DIP2C: variants seen among roughly 807,000 people sequenced by gnomAD.
DIP2C encodes DIP2 acetate--CoA ligase C (putative), also known as disco-interacting protein 2 homolog C.
DIP2C carries 33 observed loss-of-function variants against 192.4 expected under a neutral mutation model. The observed-to-expected ratio is 0.17, with a 90% CI of 0.13 to 0.23. DIP2C has a LOEUF of 0.23. Ranked by LOEUF, DIP2C falls within the 10% of genes least tolerant of loss-of-function variation. The pLI, the probability that DIP2C is intolerant of heterozygous loss-of-function variation, is 1.00. For missense variants in DIP2C, 1,537 were observed against 2,110.1 expected (o/e 0.73, Z 5.32); for synonymous variants, 979 against 864.1 (o/e 1.13, Z -2.33).
chr10:550,615 G>T (rs1222265309), intron 1 of DIP2C, among the ~76,000 whole-genome samples: 1 of 152,060 alleles, frequency 6.6e-6, no homozygotes, highest in African/African-American at 2.4e-5. Flanking sequence ...TCTCCTCCTG[G>T]ACAAATAACC....
chr10:671,333 A>G lies in DIP2C; in HGVS notation c.85+18161T>C, dbSNP rs913831580. Reference sequence around the variant, plus strand: ...CAGACGGAGGAAACGCCACAGACGCACGGACGGAGGAAACGCCACAGACGC... The same window carrying G: ...CAGACGGAGGAAACGCCACAGACGCGCGGACGGAGGAAACGCCACAGACGC... On this transcript the variant is annotated intron_variant, in intron 1 of 36. Transcript: ENST00000280886. Among the ~76,000 whole-genome samples the G allele has an allele frequency of 8.6e-5, 13 of 151,960 alleles. 1 individual carries two copies. The highest frequency in any genetic ancestry group is 2.9e-4 in the African/African-American group (12 of 41,408).
intron 1 of DIP2C, among the ~76,000 whole-genome samples, chr10:510,983 T>C (rs1031161296): frequency 6.6e-6 from 1 of 152,234 alleles, no homozygotes; most frequent in African/African-American, 2.4e-5. Flanking sequence ...CTCCTGAATA[T>C]TGACCACAGC....
At chr10:511,144 T>G (rs1373813474) in intron 1 of DIP2C, among the ~76,000 whole-genome samples, 8 of 152,334 alleles carry the variant, frequency 5.3e-5, no homozygotes, top group Admixed American at 5.2e-4. Context: ...CCTGCCCCAG[T>G]GAACATTCAC....
At chr10:328,545 C>T (rs1957368919) in intron 30 of DIP2C, among the ~76,000 whole-genome samples, 1 of 152,202 alleles carries the variant, frequency 6.6e-6, no homozygotes, top group Non-Finnish European at 1.5e-5. Context: ...AAAATGTACT[C>T]ACTTTCTAAT....
At chr10:559,748 C>T (rs1849098055) in intron 1 of DIP2C, among the ~76,000 whole-genome samples, 1 of 152,186 alleles carries the variant, frequency 6.6e-6, no homozygotes, top group African/African-American at 2.4e-5. Flanking sequence ...GCCCTCACAA[C>T]CCACCCCAGA....
intron 9 of DIP2C, among the ~76,000 whole-genome samples, chr10:400,831 TTCC>T (rs1344238227): frequency 6.6e-6 from 1 of 151,772 alleles, no homozygotes; most frequent in African/African-American, 2.4e-5. Context: ...TTGGTATGTG[TTCC>T]TCACCACATG....
intron 2 of DIP2C, chr10:485,085 C>T (rs1843913011): frequency 1.7e-6 from 2 of 1,163,554 alleles, no homozygotes; most frequent in African/African-American, 3.1e-5. Flanking sequence ...CGACCGCCCT[C>T]TGCGCCCGGC....
chr10:618,722 T>C (rs769523478), intron 1 of DIP2C, among the ~76,000 whole-genome samples: 4 of 152,238 alleles, frequency 2.6e-5, no homozygotes, highest in Non-Finnish European at 1.5e-5. Flanking sequence ...ACAGAGCCTC[T>C]GCCAGATCAG....
At chr10:491,713 G>A (rs755104463) in intron 1 of DIP2C, among the ~76,000 whole-genome samples, 96 of 152,232 alleles carry the variant, frequency 6.3e-4, no homozygotes, top group Admixed American at 2.6e-4. Context: ...CACAGGATGT[G>A]AAGGTCTCAA....
chr10:308,103 G>T lies in DIP2C; in HGVS notation c.3986+1928C>A, dbSNP rs540706761. ...TCTGGAGGGCAGCAGGGAGGCTTTGGGGGTGCCTGGGCGGGGCCCGGTGAA... is the reference window on the plus strand; with the variant it reads ...TCTGGAGGGCAGCAGGGAGGCTTTGTGGGTGCCTGGGCGGGGCCCGGTGAA... On this transcript the variant is annotated intron_variant, in intron 32 of 36. Coordinates refer to ENST00000280886, the MANE Select transcript of DIP2C (RefSeq NM_014974.3). Among the ~76,000 whole-genome samples, 287 of 152,262 alleles carry T rather than the reference G, an allele frequency of 1.9e-3. 1 individual carries two copies. The highest frequency in any genetic ancestry group is 6.6e-3 in the African/African-American group (276 of 41,524).
intron 1 of DIP2C, among the ~76,000 whole-genome samples, chr10:571,391 C>T (rs960544719): frequency 1.3e-5 from 2 of 152,156 alleles, no homozygotes; most frequent in African/African-American, 4.8e-5. Flanking sequence ...GACGCACCCG[C>T]GAGGGTCGGG....
At chr10:383,932 TAAAA>T in intron 16 of DIP2C, 91 bp downstream of exon 16, 1 of 1,307,562 alleles carries the variant, frequency 7.6e-7, no homozygotes, top group Non-Finnish European at 9.7e-7. Flanking sequence ...GGGGAAAAAA[TAAAA>T]AAGACTTCAC....
At chr10:305,372 C>G (rs1356507370) in intron 32 of DIP2C, among the ~76,000 whole-genome samples, 1 of 152,162 alleles carries the variant, frequency 6.6e-6, no homozygotes, top group African/African-American at 2.4e-5. Context: ...GTGAAAGGCT[C>G]CTGTTAAGCT....
intron 1 of DIP2C, among the ~76,000 whole-genome samples, chr10:679,573 C>T (rs1831051641): frequency 8.2e-6 from 1 of 122,000 alleles, no homozygotes; most frequent in South Asian, 3.4e-4. Flanking sequence ...CCCATCCTCC[C>T]CCCACCCATG....
intron 2 of DIP2C, among the ~76,000 whole-genome samples, chr10:480,122 C>T (rs1189455082): frequency 1.3e-5 from 2 of 149,546 alleles, no homozygotes; most frequent in African/African-American, 2.5e-5. Context: ...GAGTCTCACC[C>T]GCCAGCCTGA....
At chr10:506,971 A>T (rs1179487688) in intron 1 of DIP2C, among the ~76,000 whole-genome samples, 3 of 151,482 alleles carry the variant, frequency 2.0e-5, no homozygotes, top group Non-Finnish European at 4.4e-5. Context: ...ACTGTGCAAG[A>T]CGAGAGGCGT....
At chr10:421,425 G>A (rs1013385271) in intron 5 of DIP2C, among the ~76,000 whole-genome samples, 5 of 152,210 alleles carry the variant, frequency 3.3e-5, no homozygotes, top group Non-Finnish European at 7.3e-5. Context: ...CCAAGTGGCA[G>A]AGATGGTGTT....
intron 1 of DIP2C, among the ~76,000 whole-genome samples, chr10:679,536 A>G (rs1300827051): frequency 1.1e-3 from 3 of 2,680 alleles, no homozygotes; most frequent in African/African-American, 1.9e-3. Flanking sequence ...CCCCACGCCC[A>G]TGCTCCCCGC....
intron 1 of DIP2C, among the ~76,000 whole-genome samples, chr10:541,268 C>T (rs1005101477): frequency 1.3e-5 from 2 of 152,206 alleles, no homozygotes; most frequent in African/African-American, 4.8e-5. Context: ...GTCACAGACA[C>T]ACACACCCTG....
Sources: gnomAD v4.1 joint callset for allele counts (sites outside exome capture counted in the v4.1 genomes callset) on GRCh38, gnomAD v4.1.1 for gene constraint, MANE v1.5 for transcripts, NCBI Gene and HGNC (gene_info 2026-07-23, HGNC 2026-07-21) for gene names.